Variants in CSMD1 observed in about 807,000 individuals in gnomAD.
CSMD1 encodes CUB and Sushi multiple domains 1, also known as CUB and sushi domain-containing protein 1.
Under a neutral mutation model 417.5 loss-of-function variants are expected in CSMD1, and 213 were observed. The observed-to-expected ratio is 0.51, with a 90% CI of 0.46 to 0.57. The LOEUF is 0.57. CSMD1 is among the 20% of genes least tolerant of loss of function. CSMD1 has a pLI of 0.00. For missense variants in CSMD1, 6,923 were observed against 4,529.7 expected (o/e 1.53, Z -15.17); for synonymous variants, 2,862 against 1,736.8 (o/e 1.65, Z -16.11).
intron 3 of CSMD1, among the ~76,000 whole-genome samples, chr8:4,408,190 G>C (rs1041418495): frequency 1.3e-5 from 2 of 152,230 alleles, no homozygotes; most frequent in Non-Finnish European, 2.9e-5. Flanking sequence ...ATACAAATCA[G>C]TGTTGCAAGT....
At chr8:4,133,512 C>A (rs575809674) in intron 3 of CSMD1, among the ~76,000 whole-genome samples, 108 of 152,272 alleles carry the variant, frequency 7.1e-4, no homozygotes, top group Admixed American at 1.5e-3. Context: ...GCAATTATTC[C>A]TCATATTCTA....
intron 37 of CSMD1, among the ~76,000 whole-genome samples, chr8:3,164,002 G>C (rs751194217): frequency 1.3e-5 from 2 of 152,342 alleles, no homozygotes; most frequent in Middle Eastern, 3.4e-3. Flanking sequence ...GATGGAGCCT[G>C]TAAGAGATGT....
At chr8:4,204,230 CTCT>C in intron 3 of CSMD1, among the ~76,000 whole-genome samples, 1 of 152,138 alleles carries the variant, frequency 6.6e-6, no homozygotes. Flanking sequence ...CCAGAACATC[CTCT>C]TTTTTCTAAT....
chr8:3,936,529 A>G (rs150113601), intron 5 of CSMD1, among the ~76,000 whole-genome samples: 57 of 152,308 alleles, frequency 3.7e-4, no homozygotes, highest in Non-Finnish European at 7.2e-4. Context: ...CTGCTAAATC[A>G]ACTATGCTCC....
intron 5 of CSMD1, among the ~76,000 whole-genome samples, chr8:3,956,972 C>G (rs192862896): frequency 6.3e-4 from 95 of 151,798 alleles, no homozygotes; most frequent in Admixed American, 9.8e-4. Flanking sequence ...AAGGTTGGAC[C>G]TGTTTTTCTT....
chr8:4,163,929 T>G (rs1006274940), intron 3 of CSMD1, among the ~76,000 whole-genome samples: 2 of 152,196 alleles, frequency 1.3e-5, no homozygotes, highest in African/African-American at 4.8e-5. Context: ...ACTTTCCATC[T>G]GTTATATAAG....
chr8:4,356,161 C>A (rs547945828), intron 3 of CSMD1, among the ~76,000 whole-genome samples: 1 of 152,142 alleles, frequency 6.6e-6, no homozygotes, highest in African/African-American at 2.4e-5. Flanking sequence ...TATGCCTTTG[C>A]ATCCTTATAG....
At chr8:4,572,341 T>G (rs1798930597) in intron 2 of CSMD1, among the ~76,000 whole-genome samples, 1 of 152,172 alleles carries the variant, frequency 6.6e-6, no homozygotes, top group Non-Finnish European at 1.5e-5. Flanking sequence ...GAATTTGCTT[T>G]TCTATGGAGG....
At chr8:4,958,552 G>C (rs796253987) in intron 1 of CSMD1, among the ~76,000 whole-genome samples, 4 of 152,302 alleles carry the variant, frequency 2.6e-5, no homozygotes, top group African/African-American at 9.6e-5. Flanking sequence ...ATAAGCTCTT[G>C]AAATGAATAG....
chr8:3,850,864 A>G (rs531138066), intron 5 of CSMD1, among the ~76,000 whole-genome samples: 24 of 152,342 alleles, frequency 1.6e-4, no homozygotes, highest in African/African-American at 5.5e-4. Flanking sequence ...CAGACTCAAG[A>G]AAGAATTTAT....
At chr8:4,248,325 G>T (rs183485058) in intron 3 of CSMD1, among the ~76,000 whole-genome samples, 2 of 152,100 alleles carry the variant, frequency 1.3e-5, no homozygotes, top group Non-Finnish European at 2.9e-5. Context: ...ATCAATGCAT[G>T]AAAGTTTCTC....
At chr8:4,480,964 C>T (rs932211480) in intron 2 of CSMD1, among the ~76,000 whole-genome samples, 1 of 152,144 alleles carries the variant, frequency 6.6e-6, no homozygotes, top group African/African-American at 2.4e-5. Flanking sequence ...CAGTCTTCCC[C>T]AGGTGATTCT....
chr8:3,736,871 T>C (rs943216881), intron 6 of CSMD1, among the ~76,000 whole-genome samples: 3 of 152,208 alleles, frequency 2.0e-5, no homozygotes, highest in South Asian at 2.1e-4. Context: ...GTGAAAGCCA[T>C]GCCTGGCATG....
chr8:3,901,115 T>G (rs1807720247), intron 5 of CSMD1, among the ~76,000 whole-genome samples: 1 of 152,200 alleles, frequency 6.6e-6, no homozygotes, highest in Non-Finnish European at 1.5e-5. Flanking sequence ...GTGTATACTT[T>G]TGGGGGAGGG....
chr8:4,379,744 T>C (rs1186690198), intron 3 of CSMD1, among the ~76,000 whole-genome samples: 1 of 152,122 alleles, frequency 6.6e-6, no homozygotes, highest in East Asian at 1.9e-4. Context: ...GAAAGTATGA[T>C]AAATGAGAAA....
At chr8:4,092,902 A>G (rs1800794769) in intron 3 of CSMD1, among the ~76,000 whole-genome samples, 1 of 152,098 alleles carries the variant, frequency 6.6e-6, no homozygotes, top group Non-Finnish European at 1.5e-5. Context: ...GCCAAAACAC[A>G]AGTTTTTTTT....
chr8:4,112,205 G>C (rs1801893313), intron 3 of CSMD1, among the ~76,000 whole-genome samples: 1 of 152,104 alleles, frequency 6.6e-6, no homozygotes, highest in Non-Finnish European at 1.5e-5. Context: ...TCAAGAACCA[G>C]TAACACCTCT....
chr8:4,888,509 G>C (rs924740103), intron 1 of CSMD1, among the ~76,000 whole-genome samples: 1 of 150,100 alleles, frequency 6.7e-6, no homozygotes, highest in African/African-American at 2.4e-5. Context: ...ATAGATGAGA[G>C]AGAGAGAGAG....
intron 25 of CSMD1, among the ~76,000 whole-genome samples, chr8:3,290,386 G>C (rs1346960967): frequency 6.8e-6 from 1 of 146,606 alleles, no homozygotes; most frequent in Non-Finnish European, 1.5e-5. Flanking sequence ...AACTTGAAGG[G>C]GATGGCATTG....
Sources: gnomAD v4.1 joint callset for allele counts (sites outside exome capture counted in the v4.1 genomes callset) on GRCh38, gnomAD v4.1.1 for gene constraint, MANE v1.5 for transcripts, NCBI Gene and HGNC (gene_info 2026-07-23, HGNC 2026-07-21) for gene names.